The following SRD5A2 variants were observed in gnomAD, a reference collection of about 807,000 sequenced individuals.
The protein encoded by SRD5A2 is 3-oxo-5-alpha-steroid 4-dehydrogenase 2.
A neutral mutation model predicts 27.4 loss-of-function variants in SRD5A2; 30 were observed. The observed-to-expected ratio is 1.10, with a 90% CI of 0.82 to 1.49. The LOEUF (loss-of-function observed/expected upper bound fraction) is 1.49, where lower values mean the gene tolerates loss of function less well. Ranked by LOEUF, SRD5A2 falls within the 40% of genes most tolerant of loss-of-function variation. The pLI, the probability that SRD5A2 is intolerant of heterozygous loss-of-function variation, is 0.00. For synonymous variants in SRD5A2, 141 were observed against 133.6 expected, an observed-to-expected ratio of 1.06 and a Z score of -0.38; for missense variants, 348 against 323.4, an observed-to-expected ratio of 1.08 and a Z score of -0.58.
chr2:31,583,652 C>CAAAAAAAAAAGAAAAAAAAAAAAAAAA (rs1352139998), upstream of SRD5A2, among the ~76,000 whole-genome samples: 2 of 20,922 alleles, frequency 9.6e-5, 1 homozygote, highest in African/African-American at 2.7e-4. Context: ...AAAAAAAAAC[C>CAAAAAAAAAAGAAAAAAAAAAAAAAAA]AAAAAAAAAG....
the SRD5A2 span, among the ~76,000 whole-genome samples, chr2:31,596,785 C>A: frequency 6.6e-6 from 1 of 151,926 alleles, no homozygotes; most frequent in Non-Finnish European, 1.5e-5. Context: ...TATACTGAAC[C>A]AAGGACGTGA....
Position 31,526,247 on chromosome 2 carries a change from C to T in SRD5A2, c.714G>A (p.Met238Ile). The change falls in exon 5 of 5, where the codon ATG becomes ATA. Residue 238 changes from methionine to isoleucine, a missense_variant. Met to Ile is a conservative substitution (Grantham distance 10). Coordinates refer to ENST00000622030, the MANE Select transcript of SRD5A2 (RefSeq NM_000348.4). Reference sequence around the variant, plus strand: ...TCCGAGATTTGGGGTAGTCCTCAAACATCTTGAGGTAGAACCTAAAAGACA... The same window carrying T: ...TCCGAGATTTGGGGTAGTCCTCAAATATCTTGAGGTAGAACCTAAAAGACA... ...AFHHHRFYLK[M>I]FEDYPKSRKA... 1 of 1,584,686 alleles carries T rather than the reference C, an allele frequency of 6.3e-7. No individual in the cohort carries two copies. The highest frequency in any genetic ancestry group is 8.6e-7 in the Non-Finnish European group (1 of 1,162,880).
At chr2:31,531,083 T>G (rs1665896824) in intron 3 of SRD5A2, among the ~76,000 whole-genome samples, 1 of 152,132 alleles carries the variant, frequency 6.6e-6, no homozygotes, top group Admixed American at 6.5e-5. Context: ...AATGAGGGTG[T>G]AGGTAGCCGA....
In SRD5A2 at chr2:31,535,471, T is replaced by C. The variant is rs28383038; in HGVS notation, c.282-1705A>G. On this transcript the variant is annotated intron_variant, in intron 1 of 4. Coordinates refer to ENST00000622030, the MANE Select transcript of SRD5A2 (RefSeq NM_000348.4). ...GGCTGCTCAAGTGTTCTCAGGATGC[T>C]GAAACTTCTCACCTCTACCATCTGC... is the stretch of plus-strand genomic sequence containing the variant. 4.9e-4 allele frequency among the ~76,000 whole-genome samples: 75 copies of C among 152,314 alleles called. No individual in the cohort carries two copies. The East Asian group carries it at 0.012, about 23-fold the overall frequency.
chr2:31,627,433 G>GTGTGT, the SRD5A2 span, among the ~76,000 whole-genome samples: 382 of 149,816 alleles, frequency 2.5e-3, 2 homozygotes, highest in South Asian at 0.011. Flanking sequence ...TTTGTACGGG[G>GTGTGT]GTGTGTGTGT....
intron 1 of SRD5A2, among the ~76,000 whole-genome samples, chr2:31,561,945 A>T (rs1666632796): frequency 6.6e-6 from 1 of 152,172 alleles, no homozygotes; most frequent in Non-Finnish European, 1.5e-5. Context: ...ATCATGAAAC[A>T]ACAGTTGCTC....
chr2:31,560,822 G>C (rs916031851), intron 1 of SRD5A2, among the ~76,000 whole-genome samples: 5 of 151,904 alleles, frequency 3.3e-5, no homozygotes, highest in African/African-American at 1.2e-4. Flanking sequence ...TTTGTTACTC[G>C]GTGTCTCCAC....
the SRD5A2 span, among the ~76,000 whole-genome samples, chr2:31,635,400 A>AT: frequency 6.6e-6 from 1 of 151,824 alleles, no homozygotes; most frequent in Non-Finnish European, 1.5e-5. Context: ...GGATTATTAG[A>AT]TTTTTTTCCT....
At chr2:31,610,455 A>G in the SRD5A2 span, among the ~76,000 whole-genome samples, 1 of 152,212 alleles carries the variant, frequency 6.6e-6, no homozygotes, top group Non-Finnish European at 1.5e-5. Context: ...TATATTTTAA[A>G]AACTCTCAAA....
intron 1 of SRD5A2, among the ~76,000 whole-genome samples, chr2:31,534,005 G>A (rs1289486096): frequency 6.6e-6 from 1 of 152,080 alleles, no homozygotes; most frequent in Non-Finnish European, 1.5e-5. Context: ...AATAATTTAT[G>A]TAATAAATAA....
intron 1 of SRD5A2, among the ~76,000 whole-genome samples, chr2:31,579,331 G>A (rs1183924037): frequency 6.6e-6 from 1 of 152,148 alleles, no homozygotes; most frequent in African/African-American, 2.4e-5. Flanking sequence ...TCGAAATGAG[G>A]CATCACTTTC....
chr2:31,581,019 C>T (rs575489979), upstream of SRD5A2: 179 of 1,129,580 alleles, frequency 1.6e-4, no homozygotes, highest in African/African-American at 2.7e-3. Flanking sequence ...GCTCCCGCCC[C>T]TCCATCCTGC....
intron 1 of SRD5A2, among the ~76,000 whole-genome samples, chr2:31,577,924 GCCT>G (rs1288084667): frequency 5.3e-5 from 8 of 152,102 alleles, no homozygotes; most frequent in Non-Finnish European, 8.8e-5. Context: ...AATGAACCTA[GCCT>G]CACCCCAAGA....
chr2:31,533,053 T>C (rs1336712187), intron 2 of SRD5A2, among the ~76,000 whole-genome samples: 3 of 152,130 alleles, frequency 2.0e-5, no homozygotes, highest in African/African-American at 4.8e-5. Flanking sequence ...TCTTAAAACA[T>C]TGTTTTAAGA....
chr2:31,584,026 C>T (rs560133295), upstream of SRD5A2, among the ~76,000 whole-genome samples: 30 of 152,204 alleles, frequency 2.0e-4, 1 homozygote, highest in South Asian at 5.6e-3. Context: ...TGGGGTACAG[C>T]GGCTGTCTTT....
the SRD5A2 span, among the ~76,000 whole-genome samples, chr2:31,652,412 G>A: frequency 3.3e-5 from 5 of 151,872 alleles, no homozygotes; most frequent in Admixed American, 6.6e-5. Context: ...TCAGTATCTA[G>A]CAGCATATTT....
chr2:31,547,811 G>A (rs886791852), intron 1 of SRD5A2, among the ~76,000 whole-genome samples: 14 of 152,048 alleles, frequency 9.2e-5, no homozygotes, highest in Admixed American at 2.6e-4. Context: ...ATAATCAAGT[G>A]AGTCAATTCC....
upstream of SRD5A2, among the ~76,000 whole-genome samples, chr2:31,581,842 ACTC>A (rs1476568174): frequency 6.6e-6 from 1 of 150,592 alleles, no homozygotes; most frequent in African/African-American, 2.4e-5. Flanking sequence ...TGTTCTCTGA[ACTC>A]CTGTCTAGCC....
chr2:31,568,267 G>A (rs72867523), intron 1 of SRD5A2, among the ~76,000 whole-genome samples: 5 of 152,272 alleles, frequency 3.3e-5, no homozygotes, highest in African/African-American at 1.2e-4. Context: ...GTGACAAGCA[G>A]GGGGGCATGT....
Sources: allele counts gnomAD v4.1 joint callset (sites outside exome capture counted in the v4.1 genomes callset), GRCh38; gene constraint gnomAD v4.1.1; transcripts MANE v1.5; gene names NCBI Gene and HGNC (gene_info 2026-07-23, HGNC 2026-07-21).